The following ZP3 variants were observed in gnomAD, a reference collection of about 807,000 sequenced individuals.
The protein encoded by ZP3 is zona pellucida glycoprotein 3.
ZP3 carries 21 observed loss-of-function variants against 35.6 expected under a neutral mutation model. The ratio of observed to expected loss-of-function variants is 0.59; its 90% CI spans 0.42 to 0.85. The LOEUF is 0.85. Ranked by LOEUF, ZP3 falls within the 40% of genes least tolerant of loss-of-function variation. ZP3 has a pLI of 0.00. For synonymous variants in ZP3, 207 were observed against 214.5 expected, an observed-to-expected ratio of 0.96 and a Z score of 0.31; for missense variants, 437 against 536.5, an observed-to-expected ratio of 0.81 and a Z score of 1.83.
intron 5 of ZP3, among the ~76,000 whole-genome samples, chr7:76,435,450 C>T (rs1805964741): frequency 1.3e-5 from 2 of 152,266 alleles, no homozygotes; most frequent in South Asian, 4.1e-4. Flanking sequence ...CCACCATGCC[C>T]AGCCTCAAGT....
At position 76,425,245 on chromosome 7, in the gene ZP3, T is replaced by C. The variant is rs758504443; in HGVS notation, c.281T>C (p.Val94Ala). The C allele has an allele frequency of 5.6e-6, 9 of 1,612,226 alleles. No homozygotes were observed. Among genetic ancestry groups the C allele is most frequent in the Admixed American group, 3.3e-5 (2 of 59,936 alleles). ...ACAGAAGATGTGGTCAGGTTTGAGG[T>C]TGGACTCCACGAGTGTGGCAACAGC... ...MDTEDVVRFE[V>A]GLHECGNSMQ... The change falls in exon 1 of 8, where the codon GTT becomes GCT. Residue 94 changes from valine (V) to alanine (A), a missense_variant. Transcript: ENST00000394857.
At chr7:76,424,770 G>A, upstream of ZP3, 1 of 551,638 alleles carries the variant, frequency 1.8e-6, no homozygotes, top group South Asian at 2.9e-5. Flanking sequence ...ATGCTGGGGT[G>A]AAGGCTGAGA....
intron 1 of ZP3, among the ~76,000 whole-genome samples, chr7:76,401,429 T>A (rs1212319344): frequency 6.7e-6 from 1 of 149,496 alleles, no homozygotes; most frequent in African/African-American, 2.4e-5. Flanking sequence ...TTCTTTTCTT[T>A]TTTTGAGACA....
chr7:76,413,625 T>A (rs1805301598), intron 1 of ZP3, among the ~76,000 whole-genome samples: 1 of 151,128 alleles, frequency 6.6e-6, no homozygotes. Flanking sequence ...AAAAAAAGCC[T>A]CAATTGATTT....
At chr7:76,400,366 G>T (rs1397962718) in intron 1 of ZP3, 5 of 1,585,032 alleles carry the variant, frequency 3.2e-6, no homozygotes, top group Middle Eastern at 3.4e-4. Flanking sequence ...GCTCAGCGCA[G>T]CTTCCTGCCC....
intron 2 of ZP3, among the ~76,000 whole-genome samples, chr7:76,432,161 G>A (rs923191205): frequency 1.3e-5 from 2 of 151,384 alleles, no homozygotes; most frequent in African/African-American, 4.9e-5. Context: ...TAGCTGGTAT[G>A]TACTACTATG....
At chr7:76,404,372 C>G in intron 1 of ZP3, 6 of 1,613,762 alleles carry the variant, frequency 3.7e-6, no homozygotes, top group Non-Finnish European at 5.1e-6. Context: ...ACTCCCATCT[C>G]CCAACCTCCA....
chr7:76,426,388 C>T (rs1412966704), intron 1 of ZP3, among the ~76,000 whole-genome samples: 2 of 152,296 alleles, frequency 1.3e-5, no homozygotes, highest in Admixed American at 6.5e-5. Context: ...TGTCCTCTCC[C>T]GCCTCAGGGG....
intron 7 of ZP3, 139 bp downstream of exon 7, chr7:76,440,750 A>C: frequency 7.1e-7 from 1 of 1,401,230 alleles, no homozygotes; most frequent in Non-Finnish European, 9.5e-7. Flanking sequence ...ACCTTTCCCT[A>C]ACACAAATCT....
intron 1 of ZP3, among the ~76,000 whole-genome samples, chr7:76,409,854 G>A (rs1291013058): frequency 6.6e-6 from 1 of 150,766 alleles, no homozygotes; most frequent in Admixed American, 6.6e-5. Context: ...CAAGCATCCT[G>A]ATCTTTGGAG....
intron 1 of ZP3, among the ~76,000 whole-genome samples, chr7:76,398,071 C>T (rs1029655838): frequency 6.6e-6 from 1 of 152,134 alleles, no homozygotes; most frequent in South Asian, 2.1e-4. Context: ...GACGTGCTGC[C>T]TTCTCATCTA....
Position 76,397,595 on chromosome 7 carries a change from C to A in ZP3, c.-269C>A, listed in dbSNP as rs940223572. 2 of 1,606,428 alleles carry A rather than the reference C, an allele frequency of 1.2e-6. No homozygotes were observed. The highest frequency in any genetic ancestry group is 2.7e-5 in the African/African-American group (2 of 74,976). ...GCCCAGGCTCTGGCAGGCTGCCAGG[C>A]GGGGCTCGCCGCCTTCGCAGTGCAC... is the stretch of plus-strand genomic sequence containing the variant. On this transcript the variant is annotated 5_prime_UTR_variant, in exon 1 of 9. Transcript: ENST00000336517.
Position 76,442,065 on chromosome 7 carries a change from A to G in ZP3, c.*9A>G. 1.5e-6 allele frequency: 1 copy of G among 689,426 alleles called. No individual in the cohort carries two copies. The highest frequency in any genetic ancestry group is 2.4e-6 in the Non-Finnish European group (1 of 409,304). The allele number at this position is 689,426 out of a possible 1,614,324, so 42.7% of individuals were successfully genotyped here. ...TGTCTGCTTCCGAATAAAAGAAGAA[A>G]GCAATATCTGGTCGTGGTGTGGTGG... On this transcript the variant is annotated 3_prime_UTR_variant, in exon 8 of 8. Coordinates refer to ENST00000394857, the MANE Select transcript of ZP3 (RefSeq NM_001110354.2).
intron 5 of ZP3, among the ~76,000 whole-genome samples, chr7:76,437,178 T>TTG (rs1245181284): frequency 8.4e-6 from 1 of 118,364 alleles, no homozygotes; most frequent in African/African-American, 4.1e-5. Context: ...GTACTTTTTT[T>TTG]TTTTTTTTTT....
chr7:76,429,396 C>T (rs542901703), intron 1 of ZP3, 119 bp from the exon 2 acceptor site: 4 of 918,244 alleles, frequency 4.4e-6, no homozygotes, highest in Non-Finnish European at 5.3e-6. Flanking sequence ...CTGCACCTGG[C>T]CTTGACCCTG....
At position 76,440,297 on chromosome 7, in the gene ZP3, A is replaced by C. The variant is rs778145941; in HGVS notation, c.879A>C (p.Pro293=). Residue 293 remains proline, a synonymous_variant, in exon 6 of 8, where the codon CCA becomes CCC. Transcript: ENST00000394857. ...AGGTCACCCTAGCTGAGCAGGACCC[A>C]GATGAACTCAACAAGGCCTGTTCCT... ...HLKVTLAEQD[P]DELNKACSFS... 1.9e-6 allele frequency: 3 copies of C among 1,611,224 alleles called. No individual in the cohort carries two copies. The highest frequency in any genetic ancestry group is 2.5e-6 in the Non-Finnish European group (3 of 1,178,956).
intron 1 of ZP3, among the ~76,000 whole-genome samples, chr7:76,414,614 G>A (rs1439768105): frequency 6.7e-6 from 1 of 148,452 alleles, no homozygotes; most frequent in African/African-American, 2.5e-5. Flanking sequence ...ATTTAGGACA[G>A]TTAGGAAAAG....
intron 1 of ZP3, among the ~76,000 whole-genome samples, chr7:76,427,317 C>T (rs1805698451): frequency 6.6e-6 from 1 of 152,054 alleles, no homozygotes; most frequent in Admixed American, 6.6e-5. Context: ...GAGTTCAAGA[C>T]CAGCCTGGCC....
intron 5 of ZP3, among the ~76,000 whole-genome samples, chr7:76,437,661 A>AT (rs3972771): frequency 0.022 from 2,792 of 129,682 alleles, 42 homozygotes; most frequent in East Asian, 0.065. Flanking sequence ...TAATTTCTGT[A>AT]TTTTTTTTTT....
Sources: gnomAD v4.1 joint callset for allele counts (sites outside exome capture counted in the v4.1 genomes callset) on GRCh38, gnomAD v4.1.1 for gene constraint, MANE v1.5 for transcripts, NCBI Gene and HGNC (gene_info 2026-07-23, HGNC 2026-07-21) for gene names.